DLG5: variants seen among roughly 807,000 people sequenced by gnomAD.
The protein encoded by DLG5 is disks large homolog 5.
A neutral mutation model predicts 189.8 loss-of-function variants in DLG5; 48 were observed. The observed-to-expected ratio is 0.25, with a 90% CI of 0.20 to 0.32. DLG5 has a LOEUF of 0.32. DLG5 is among the 10% of genes least tolerant of loss of function. The pLI, the probability that DLG5 is intolerant of heterozygous loss-of-function variation, is 1.00. For synonymous variants in DLG5, 1,016 were observed against 1,054.1 expected, an observed-to-expected ratio of 0.96 and a Z score of 0.70; for missense variants, 2,160 against 2,544.7, an observed-to-expected ratio of 0.85 and a Z score of 3.25.
At chr10:77,925,692 C>T (rs1846664450) in intron 1 of DLG5, among the ~76,000 whole-genome samples, 1 of 152,222 alleles carries the variant, frequency 6.6e-6, no homozygotes, top group African/African-American at 2.4e-5. Context: ...GCACAATCAG[C>T]CACCAGTCTG....
In DLG5 at chr10:77,871,699, T is replaced by C. The variant is rs77882980; in HGVS notation, c.305-2502A>G. On this transcript the variant is annotated intron_variant, in intron 1 of 31. Transcript: ENST00000372391. ...CTGGGATTACAGGTGCCCACCACCA[T>C]GCCTGCCTAATTTTTTCTATTTTTA... Among the ~76,000 whole-genome samples the C allele has an allele frequency of 7.8e-3, 1,189 of 151,954 alleles. 14 individuals are homozygous for C. Among genetic ancestry groups the C allele is most frequent in the Middle Eastern group, 0.017 (5 of 294 alleles).
At chr10:77,888,630 T>G (rs560960108) in intron 1 of DLG5, among the ~76,000 whole-genome samples, 1 of 152,164 alleles carries the variant, frequency 6.6e-6, no homozygotes. Flanking sequence ...CCTCTTAAGA[T>G]AGTCTCAAAA....
At chr10:77,831,362 G>T (rs146590962) in intron 9 of DLG5, among the ~76,000 whole-genome samples, 1 of 152,048 alleles carries the variant, frequency 6.6e-6, no homozygotes, top group African/African-American at 2.4e-5. Flanking sequence ...TCACACCGCT[G>T]CACTCCAGCC....
intron 1 of DLG5, among the ~76,000 whole-genome samples, chr10:77,895,061 C>G (rs549836156): frequency 6.6e-6 from 1 of 152,190 alleles, no homozygotes; most frequent in Non-Finnish European, 1.5e-5. Flanking sequence ...AAGTGATGAG[C>G]AGGTCACACT....
chr10:77,793,717 T>G (rs887114233), intron 31 of DLG5: 1 of 425,316 alleles, frequency 2.4e-6, no homozygotes, highest in Non-Finnish European at 4.3e-6. Context: ...GTGGCTGCAC[T>G]AAACTGCACC....
At chr10:77,891,913 C>G (rs1845620999) in intron 1 of DLG5, among the ~76,000 whole-genome samples, 1 of 152,212 alleles carries the variant, frequency 6.6e-6, no homozygotes, top group Admixed American at 6.5e-5. Context: ...AAGGGGGAAC[C>G]CTCAGGGATC....
intron 6 of DLG5, among the ~76,000 whole-genome samples, chr10:77,842,834 C>A (rs1203542825): frequency 2.0e-5 from 3 of 152,216 alleles, no homozygotes; most frequent in African/African-American, 7.2e-5. Flanking sequence ...CTGCACAACA[C>A]CACGCTGAAG....
chr10:77,936,014 T>C, the DLG5 span, among the ~76,000 whole-genome samples: 1 of 152,224 alleles, frequency 6.6e-6, no homozygotes, highest in Non-Finnish European at 1.5e-5. Flanking sequence ...TGAAATGAAT[T>C]ATGCCTGTTT....
At chr10:77,905,453 A>C (rs1187917142) in intron 1 of DLG5, among the ~76,000 whole-genome samples, 5 of 152,208 alleles carry the variant, frequency 3.3e-5, no homozygotes, top group Non-Finnish European at 1.5e-5. Flanking sequence ...TGCCATCTTT[A>C]AATCAAGTGT....
At chr10:77,895,251 C>G (rs765823482) in intron 1 of DLG5, among the ~76,000 whole-genome samples, 7 of 152,182 alleles carry the variant, frequency 4.6e-5, no homozygotes, top group Non-Finnish European at 1.0e-4. Flanking sequence ...CGTTTCACTA[C>G]TCACGCCCCT....
In DLG5 at chr10:77,828,972, A is replaced by G; in HGVS notation, c.2199T>C (p.Ser733=). The G allele has an allele frequency of 1.9e-6, 3 of 1,613,782 alleles. No individual in the cohort carries two copies. Among genetic ancestry groups the G allele is most frequent in the Non-Finnish European group, 2.5e-6 (3 of 1,179,946 alleles). Residue 733 remains serine, a synonymous_variant, in exon 13 of 32, where the codon AGT becomes AGC. Transcript: ENST00000372391. ...CGGCAGCATACACTCCATTCTCCAGACTGATGCCACTGTCTGCAAGCCACA... is the reference window on the plus strand; with the variant it reads ...CGGCAGCATACACTCCATTCTCCAGGCTGATGCCACTGTCTGCAAGCCACA... The part of the protein sequence containing the change: ...NLSGQKDSGI[S]LENGVYAAAV...
chr10:77,812,746 G>C (rs941980035), intron 20 of DLG5, among the ~76,000 whole-genome samples: 1 of 152,380 alleles, frequency 6.6e-6, no homozygotes, highest in East Asian at 1.9e-4. Context: ...CCGAGGAAAA[G>C]AGATGGCTCC....
At chr10:77,801,504 A>C (rs986793983) in intron 27 of DLG5, among the ~76,000 whole-genome samples, 2 of 152,222 alleles carry the variant, frequency 1.3e-5, no homozygotes, top group African/African-American at 4.8e-5. Flanking sequence ...AGGAGAGGCA[A>C]GGTCAGCACA....
the DLG5 span, among the ~76,000 whole-genome samples, chr10:77,931,991 A>C: frequency 5.9e-5 from 9 of 152,178 alleles, no homozygotes; most frequent in Non-Finnish European, 1.0e-4. Flanking sequence ...AAACTCCCTA[A>C]TGTTAGAGCA....
intron 1 of DLG5, among the ~76,000 whole-genome samples, chr10:77,911,320 T>C (rs1447783446): frequency 6.6e-6 from 1 of 152,126 alleles, no homozygotes; most frequent in African/African-American, 2.4e-5. Context: ...GGGGTCTCCC[T>C]ATGTTGCTCA....
chr10:77,795,948 G>A lies in DLG5; in HGVS notation c.5436+113C>T, dbSNP rs564720100. On this transcript the variant is annotated intron_variant, in intron 29 of 31. Coordinates refer to ENST00000372391, the MANE Select transcript of DLG5 (RefSeq NM_004747.4). The stretch of plus-strand genomic sequence containing the variant: ...GAACTCAGACTAACACAACACGGTG[G>A]GCTCACTGAAGGTCTGAGCCGCTGG... 8.8e-6 allele frequency: 13 copies of A among 1,475,820 alleles called. 1 individual carries two copies. In the South Asian group the frequency reaches 1.3e-4, roughly 15 times the overall value. 91.4% of individuals were successfully genotyped at this position (1,475,820 alleles called of 1,614,324 possible). A position where few individuals can be genotyped will look rare whatever the true frequency, so the allele number is the denominator to read the frequency against.
intron 27 of DLG5, among the ~76,000 whole-genome samples, chr10:77,797,876 CT>C (rs1568113175): frequency 6.6e-6 from 1 of 152,130 alleles, no homozygotes; most frequent in Non-Finnish European, 1.5e-5. Context: ...TGCCCTGTCC[CT>C]GTGTGTGTGT....
rs1277074561 is a variant in DLG5, at chr10:77,790,914, C to T, written c.*1526G>A. On this transcript the variant is annotated 3_prime_UTR_variant, in exon 32 of 32. Transcript: ENST00000372391. ...CCTGTCTGTGCACACTGTACCATCT[C>T]AGTCCCACTCTGCCTGTAACTTAGA... is the stretch of plus-strand genomic sequence containing the variant. The T allele has an allele frequency of 6.6e-6, 1 of 152,238 alleles. No homozygotes were observed. Among genetic ancestry groups the T allele is most frequent in the Non-Finnish European group, 1.5e-5 (1 of 68,044 alleles). 9.4% of individuals were successfully genotyped at this position (152,238 alleles called of 1,614,324 possible).
chr10:77,829,386 C>T lies in DLG5; in HGVS notation c.2154G>A (p.Thr718=), dbSNP rs563750036. ...GTCCACTGAGGTTGATGTGCAGCGGCGTGACCACCTTCCCACCCAGGGACT... is the reference window on the plus strand; with the variant it reads ...GTCCACTGAGGTTGATGTGCAGCGGTGTGACCACCTTCCCACCCAGGGACT... ...RRKSLGGKVV[T]PLHINLSGQK... is the part of the protein sequence containing the mutation. Residue 718 remains threonine (T), a synonymous_variant, in exon 12 of 32, where the codon ACG becomes ACA. Transcript: ENST00000372391. The T allele has an allele frequency of 3.1e-5, 50 of 1,614,074 alleles. No individual in the cohort carries two copies. The highest frequency in any genetic ancestry group is 2.2e-4 in the South Asian group (20 of 91,090).
Sources: gnomAD v4.1 joint callset for allele counts (sites outside exome capture counted in the v4.1 genomes callset) on GRCh38, gnomAD v4.1.1 for gene constraint, MANE v1.5 for transcripts, NCBI Gene and HGNC (gene_info 2026-07-23, HGNC 2026-07-21) for gene names.